The following NMBR variants were observed in gnomAD, a reference collection of about 807,000 sequenced individuals.
NMBR encodes the protein neuromedin B receptor, also known as neuromedin-B receptor.
Under a neutral mutation model 20.5 loss-of-function variants are expected in NMBR, and 16 were observed. The observed-to-expected ratio is 0.78, with a 90% confidence interval of 0.53 to 1.19. The LOEUF (loss-of-function observed/expected upper bound fraction) is 1.19. NMBR is among the 50% of genes most tolerant of loss of function. The probability of loss-of-function intolerance (pLI) is 0.00; values close to 1 mark genes in which losing one functional copy is unlikely to be tolerated. For synonymous variants in NMBR, 212 were observed against 196.6 expected, an observed-to-expected ratio of 1.08 and a Z score of -0.65; for missense variants, 582 against 499.1, an observed-to-expected ratio of 1.17 and a Z score of -1.58.
intron 1 of NMBR, among the ~76,000 whole-genome samples, chr6:142,093,979 C>G (rs182713779): frequency 8.1e-6 from 1 of 123,538 alleles, no homozygotes. Flanking sequence ...TCATATCCTT[C>G]GCCCACTCTT....
Position 142,088,590 on chromosome 6 carries a change from C to T in NMBR, c.69G>A (p.Glu23=), listed in dbSNP as rs776005082. The T allele has an allele frequency of 1.2e-6, 2 of 1,612,982 alleles. No individual in the cohort carries two copies. The highest frequency in any genetic ancestry group is 2.2e-5 in the South Asian group (2 of 91,064). The change falls in exon 2 of 4, where the codon GAG becomes GAA. Residue 23 remains glutamate (E), a synonymous_variant. Coordinates refer to ENST00000258042, the MANE Select transcript of NMBR (RefSeq NM_002511.4). ...CCGGCAGGAAATCCCTTTCCCACCC[C>T]TCGGGAACGGAACCGCTCTCATTCG... ...TGANESGSVP[E]GWERDFLPAS...
chr6:142,082,336 T>C (rs140792058), intron 2 of NMBR, among the ~76,000 whole-genome samples: 12 of 152,292 alleles, frequency 7.9e-5, no homozygotes, highest in Admixed American at 1.3e-4. Context: ...GTTGAAACTA[T>C]AGCCTGAGCA....
At chr6:142,135,393 T>C (rs911685243) in intron 1 of NMBR, among the ~76,000 whole-genome samples, 4 of 152,142 alleles carry the variant, frequency 2.6e-5, no homozygotes, top group Non-Finnish European at 4.4e-5. Flanking sequence ...AGCACAAAAG[T>C]TGGAAATTAA....
At chr6:142,106,849 C>T (rs1777672615) in intron 1 of NMBR, among the ~76,000 whole-genome samples, 1 of 152,112 alleles carries the variant, frequency 6.6e-6, no homozygotes, top group Non-Finnish European at 1.5e-5. Flanking sequence ...CAGAAAAGCA[C>T]CTTAAACAAA....
chr6:142,102,843 G>A (rs1005792239), intron 1 of NMBR, among the ~76,000 whole-genome samples: 3 of 152,174 alleles, frequency 2.0e-5, no homozygotes, highest in African/African-American at 7.2e-5. Context: ...TAGACCCCAT[G>A]AGTGTACACA....
At chr6:142,081,501 G>T (rs1385327997) in intron 2 of NMBR, among the ~76,000 whole-genome samples, 1 of 152,122 alleles carries the variant, frequency 6.6e-6, no homozygotes, top group Non-Finnish European at 1.5e-5. Flanking sequence ...AGACCCCAAT[G>T]ATATTCTCTG....
At chr6:142,091,350 T>A (rs1032404480) in intron 1 of NMBR, among the ~76,000 whole-genome samples, 1 of 152,108 alleles carries the variant, frequency 6.6e-6, no homozygotes, top group East Asian at 1.9e-4. Context: ...ACCTTCCCCA[T>A]GTAGCTGGGA....
In NMBR at chr6:142,083,824, T is replaced by C. The variant is rs558702577; in HGVS notation, c.422+4413A>G. On this transcript the variant is annotated intron_variant, in intron 2 of 3. Coordinates refer to ENST00000258042, the MANE Select transcript of NMBR (RefSeq NM_002511.4). ...CTGTGAGTCAATTAAACCTCTTTTCTTTATAAGTTACCAAATTTCAGGTAG... is the reference window on the plus strand; with the variant it reads ...CTGTGAGTCAATTAAACCTCTTTTCCTTATAAGTTACCAAATTTCAGGTAG... 4.6e-5 allele frequency among the ~76,000 whole-genome samples: 7 copies of C among 152,326 alleles called. No homozygotes were observed. In the South Asian group the frequency reaches 1.2e-3, roughly 27 times the overall value.
rs934200681 is a variant in NMBR, at chr6:142,147,055, G to A, written c.-675C>T. The A allele has an allele frequency of 1.4e-5, 8 of 553,932 alleles. No homozygotes were observed. The highest frequency in any genetic ancestry group is 1.3e-4 in the African/African-American group (7 of 53,486). 34.3% of individuals were successfully genotyped at this position (553,932 alleles called of 1,614,324 possible). On this transcript the variant is annotated 5_prime_UTR_variant, in exon 1 of 4. Coordinates refer to ENST00000258042, the MANE Select transcript of NMBR (RefSeq NM_002511.4). The stretch of plus-strand genomic sequence containing the variant: ...ACCCTTCCTCCTACCAGCAGAGAGC[G>A]CTAGCGCCATGCGCGGCATAAGCGC...
chr6:142,081,627 G>T (rs566473197), intron 2 of NMBR, among the ~76,000 whole-genome samples: 1 of 152,248 alleles, frequency 6.6e-6, no homozygotes, highest in African/African-American at 2.4e-5. Context: ...TACAATTGTC[G>T]AAGAAAAATG....
chr6:142,103,215 C>T (rs1024395608), intron 1 of NMBR, among the ~76,000 whole-genome samples: 2 of 152,090 alleles, frequency 1.3e-5, no homozygotes, highest in Non-Finnish European at 2.9e-5. Context: ...GGTTGATTGT[C>T]CCCAGTCAGT....
chr6:142,100,278 TA>T (rs1777535378), intron 1 of NMBR, among the ~76,000 whole-genome samples: 1 of 149,236 alleles, frequency 6.7e-6, no homozygotes, highest in Admixed American at 6.8e-5. Flanking sequence ...ATAACAGCTT[TA>T]TTCATAATTG....
intron 1 of NMBR, among the ~76,000 whole-genome samples, chr6:142,099,021 C>T (rs1421521255): frequency 6.6e-6 from 1 of 152,150 alleles, no homozygotes; most frequent in African/African-American, 2.4e-5. Flanking sequence ...CAGCCAACTG[C>T]TCTTTGACAA....
intron 1 of NMBR, among the ~76,000 whole-genome samples, chr6:142,099,330 C>A (rs1487280488): frequency 6.6e-6 from 1 of 152,092 alleles, no homozygotes; most frequent in East Asian, 1.9e-4. Flanking sequence ...ACTCATAGTT[C>A]CACAGGCTTA....
intron 1 of NMBR, among the ~76,000 whole-genome samples, chr6:142,097,703 A>G (rs1359430449): frequency 6.6e-6 from 1 of 152,122 alleles, no homozygotes; most frequent in Non-Finnish European, 1.5e-5. Context: ...TCAGCAAGTA[A>G]TTATATCTAA....
chr6:142,104,136 C>T (rs1000890966), intron 1 of NMBR, among the ~76,000 whole-genome samples: 9 of 152,204 alleles, frequency 5.9e-5, no homozygotes, highest in African/African-American at 2.2e-4. Context: ...TCCTTGCCTC[C>T]CAAAATGCTG....
rs1371709652 is a variant in NMBR, at chr6:142,095,830, G to T, written c.-663-6509C>A. ...TATTAATTATTGCCTCAATTTCAGA[G>T]CCTGTTATTGGTCTATTCAGAGATC... On this transcript the variant is annotated intron_variant, in intron 1 of 3. Transcript: ENST00000258042. 3.3e-5 allele frequency among the ~76,000 whole-genome samples: 5 copies of T among 152,168 alleles called. No homozygotes were observed. In the East Asian group the frequency reaches 9.6e-4, roughly 29 times the overall value.
intron 1 of NMBR, among the ~76,000 whole-genome samples, chr6:142,094,016 ATTTG>A (rs1777391964): frequency 6.6e-6 from 1 of 151,116 alleles, no homozygotes; most frequent in African/African-American, 2.4e-5. Context: ...TTTCTTGTAA[ATTTG>A]TTTGAGTTCA....
intron 1 of NMBR, among the ~76,000 whole-genome samples, chr6:142,115,357 T>G (rs1179013570): frequency 6.6e-6 from 1 of 151,662 alleles, no homozygotes; most frequent in Non-Finnish European, 1.5e-5. Flanking sequence ...CAGAAAAAAA[T>G]AAGGCCTATT....
Sources: allele counts gnomAD v4.1 joint callset (sites outside exome capture counted in the v4.1 genomes callset), GRCh38; gene constraint gnomAD v4.1.1; transcripts MANE v1.5; gene names NCBI Gene and HGNC (gene_info 2026-07-23, HGNC 2026-07-21).